NMT2: variants seen among roughly 807,000 people sequenced by gnomAD.
NMT2 encodes the protein glycylpeptide N-tetradecanoyltransferase 2.
A neutral mutation model predicts 65.4 loss-of-function variants in NMT2; 35 were observed. That is an observed-to-expected ratio of 0.54 (90% CI 0.41 to 0.71). The LOEUF (loss-of-function observed/expected upper bound fraction) is 0.71. NMT2 is among the 30% of genes least tolerant of loss of function. NMT2 has a pLI of 0.00. For synonymous variants in NMT2, 226 were observed against 231.8 expected, an observed-to-expected ratio of 0.98 and a Z score of 0.23; for missense variants, 489 against 611.3, an observed-to-expected ratio of 0.80 and a Z score of 2.11.
In NMT2 at chr10:15,108,400, T is replaced by G. The variant is rs528407227; in HGVS notation, c.*795A>C. On this transcript the variant is annotated 3_prime_UTR_variant, in exon 12 of 12. Transcript: ENST00000378165. ...TGGGGTTTCACTATGTTGGCCAGAA[T>G]GGTCTCGATCTCCTGACCTCATGAT... The G allele has an allele frequency of 4.2e-5, 25 of 599,544 alleles. No individual in the cohort carries two copies. Among genetic ancestry groups the G allele is most frequent in the African/African-American group, 4.0e-5 (2 of 49,504 alleles). The allele number at this position is 599,544 out of a possible 1,614,324, so 37.1% of individuals were successfully genotyped here.
At chr10:15,117,543 C>A (rs184328220) in intron 9 of NMT2, among the ~76,000 whole-genome samples, 270 of 152,276 alleles carry the variant, frequency 1.8e-3, no homozygotes, top group Non-Finnish European at 3.2e-3. Flanking sequence ...AGATCTAGGT[C>A]CTGCATTAAT....
intron 1 of NMT2, among the ~76,000 whole-genome samples, chr10:15,157,840 C>G (rs1029804199): frequency 1.3e-5 from 2 of 152,060 alleles, no homozygotes; most frequent in East Asian, 3.9e-4. Flanking sequence ...AGAAAAAGAC[C>G]TTGAGACATT....
chr10:15,161,829 A>G (rs1833209501), intron 1 of NMT2, among the ~76,000 whole-genome samples: 1 of 152,264 alleles, frequency 6.6e-6, no homozygotes, highest in Non-Finnish European at 1.5e-5. Flanking sequence ...GGTTATTTCA[A>G]TTAAACCTAG....
intron 10 of NMT2, 107 bp downstream of exon 10, chr10:15,112,689 C>T (rs1845602308): frequency 2.8e-6 from 3 of 1,077,326 alleles, no homozygotes; most frequent in Admixed American, 5.7e-5. Context: ...TTTTTAAAGT[C>T]TCGCATAAAT....
intron 8 of NMT2, among the ~76,000 whole-genome samples, chr10:15,123,531 GAAAAAAAA>G (rs775699014): frequency 1.1e-3 from 60 of 52,542 alleles, no homozygotes; most frequent in African/African-American, 2.8e-3. Flanking sequence ...TCGTCTCACA[GAAAAAAAA>G]AAAAAAAAAA....
chr10:15,147,544 T>C (rs1310616450), intron 1 of NMT2, among the ~76,000 whole-genome samples: 2 of 151,378 alleles, frequency 1.3e-5, no homozygotes, highest in African/African-American at 4.9e-5. Context: ...CATAAATCAG[T>C]AGTGAAAAAA....
At chr10:15,138,238 T>C (rs1453834924) in intron 2 of NMT2, among the ~76,000 whole-genome samples, 1 of 152,174 alleles carries the variant, frequency 6.6e-6, no homozygotes, top group Non-Finnish European at 1.5e-5. Flanking sequence ...CTTGAACTCC[T>C]GACATCAAGT....
chr10:15,123,814 G>A (rs1846000106), intron 8 of NMT2, among the ~76,000 whole-genome samples: 2 of 152,120 alleles, frequency 1.3e-5, no homozygotes, highest in Admixed American at 6.5e-5. Flanking sequence ...TGATTCATGG[G>A]CCTCTACGTA....
intron 1 of NMT2, among the ~76,000 whole-genome samples, chr10:15,151,765 C>T (rs565955454): frequency 7.2e-5 from 11 of 152,192 alleles, no homozygotes; most frequent in East Asian, 1.9e-4. Flanking sequence ...TGGCTCATGC[C>T]GGTAATCCCA....
chr10:15,151,308 C>T (rs564774177), intron 1 of NMT2, among the ~76,000 whole-genome samples: 6 of 152,176 alleles, frequency 3.9e-5, no homozygotes, highest in African/African-American at 9.7e-5. Context: ...CTGCCCGCCT[C>T]GGCCCCCAAA....
intron 6 of NMT2, 149 bp downstream of exon 6, chr10:15,132,668 T>A (rs1846324911): frequency 1.9e-6 from 1 of 516,492 alleles, no homozygotes; most frequent in Non-Finnish European, 3.5e-6. Context: ...GCTCAGGTGA[T>A]CTATCTGCCT....
intron 7 of NMT2, among the ~76,000 whole-genome samples, chr10:15,129,890 A>T (rs568276199): frequency 6.8e-6 from 1 of 148,090 alleles, no homozygotes; most frequent in East Asian, 2.0e-4. Context: ...CCTGGGCAAC[A>T]GAGTAAGAGT....
At chr10:15,147,160 T>C (rs543616189) in intron 1 of NMT2, among the ~76,000 whole-genome samples, 2 of 146,036 alleles carry the variant, frequency 1.4e-5, no homozygotes, top group South Asian at 4.4e-4. Flanking sequence ...GCTCAATTTT[T>C]GGTATGTGAA....
At chr10:15,167,056 T>C (rs997281794) in intron 1 of NMT2, among the ~76,000 whole-genome samples, 1 of 152,206 alleles carries the variant, frequency 6.6e-6, no homozygotes, top group African/African-American at 2.4e-5. Flanking sequence ...CCTGGGCCCA[T>C]TTCTGGCAAT....
chr10:15,132,457 C>G (rs1846318521), intron 6 of NMT2, among the ~76,000 whole-genome samples: 1 of 151,756 alleles, frequency 6.6e-6, no homozygotes, highest in African/African-American at 2.4e-5. Context: ...GATGGAGTTT[C>G]GCTCATGTTG....
intron 2 of NMT2, among the ~76,000 whole-genome samples, chr10:15,135,778 G>GC (rs2098248297): frequency 6.6e-6 from 1 of 152,096 alleles, no homozygotes; most frequent in Non-Finnish European, 1.5e-5. Flanking sequence ...CGAGCCTTGG[G>GC]TGGGGGGCAC....
intron 8 of NMT2, among the ~76,000 whole-genome samples, chr10:15,123,506 C>T (rs1343374248): frequency 7.7e-6 from 1 of 129,598 alleles, no homozygotes; most frequent in Admixed American, 9.2e-5. Context: ...TCCAGCCTGG[C>T]GACAAAGCGA....
chr10:15,162,097 C>T (rs1479313033), intron 1 of NMT2, among the ~76,000 whole-genome samples: 2 of 151,716 alleles, frequency 1.3e-5, no homozygotes, highest in African/African-American at 4.8e-5. Context: ...TACAAAAATA[C>T]AAAAATTAGC....
chr10:15,144,605 C>A (rs980574136), intron 1 of NMT2, among the ~76,000 whole-genome samples: 3 of 152,146 alleles, frequency 2.0e-5, no homozygotes, highest in Admixed American at 2.0e-4. Flanking sequence ...GTGGCGGGCG[C>A]CTGTAGTCCC....
Sources: gnomAD v4.1 joint callset for allele counts (sites outside exome capture counted in the v4.1 genomes callset) on GRCh38, gnomAD v4.1.1 for gene constraint, MANE v1.5 for transcripts, NCBI Gene and HGNC (gene_info 2026-07-23, HGNC 2026-07-21) for gene names.